AXDND1: variants seen among roughly 807,000 people sequenced by gnomAD.
The protein encoded by AXDND1 is axonemal dynein light chain domain containing 1, also known as axonemal dynein light chain domain-containing protein 1.
In AXDND1, 110 loss-of-function variants were observed where a neutral mutation model predicts 137.5. That is an observed-to-expected ratio of 0.80 (90% CI 0.69 to 0.94). The LOEUF is 0.94. Ranked by LOEUF, AXDND1 falls within the 40% of genes least tolerant of loss-of-function variation. The pLI, the probability that AXDND1 is intolerant of heterozygous loss-of-function variation, is 0.00. For synonymous variants in AXDND1, 414 were observed against 399.7 expected, an observed-to-expected ratio of 1.04 and a Z score of -0.43; for missense variants, 1,191 against 1,169.8, an observed-to-expected ratio of 1.02 and a Z score of -0.26.
At chr1:179,537,846 A>G (rs1572207732) in intron 25 of AXDND1, among the ~76,000 whole-genome samples, 1 of 152,142 alleles carries the variant, frequency 6.6e-6, no homozygotes, top group African/African-American at 2.4e-5. Context: ...TTGGTAGGCT[A>G]TTAATTATTG....
intron 25 of AXDND1, chr1:179,551,837 T>A (rs913515): frequency 1 from 246,545 of 246,570 alleles, 123,260 homozygotes; most frequent in Middle Eastern, 1. Context: ...ATTTCTGAAG[T>A]GAAAGTGCTG....
intron 17 of AXDND1, among the ~76,000 whole-genome samples, chr1:179,482,618 A>C (rs778457270): frequency 6.6e-6 from 1 of 152,106 alleles, no homozygotes; most frequent in African/African-American, 2.4e-5. Flanking sequence ...TGCCTTTCTT[A>C]CTGAATCTTC....
chr1:179,429,422 T>A, intron 12 of AXDND1, 96 bp from the exon 13 acceptor site: 1 of 565,362 alleles, frequency 1.8e-6, no homozygotes, highest in Non-Finnish European at 2.9e-6. Context: ...GTTGAGTTAA[T>A]GATTCCATGA....
At chr1:179,415,766 G>A (rs72717594) in intron 12 of AXDND1, among the ~76,000 whole-genome samples, 52,888 of 151,236 alleles carry the variant, frequency 0.35, 9,422 homozygotes, top group Middle Eastern at 0.45. Flanking sequence ...GTGCAGTGGC[G>A]CGATCTCTGC....
intron 12 of AXDND1, among the ~76,000 whole-genome samples, chr1:179,413,606 C>A (rs1180828771): frequency 6.6e-6 from 1 of 152,214 alleles, no homozygotes; most frequent in African/African-American, 2.4e-5. Flanking sequence ...GCATAATATT[C>A]CATGGTATAT....
chr1:179,523,584 C>G (rs964022158), intron 21 of AXDND1, among the ~76,000 whole-genome samples: 2 of 152,124 alleles, frequency 1.3e-5, no homozygotes, highest in African/African-American at 4.8e-5. Flanking sequence ...GTTTCTGGCT[C>G]TATGGATTTG....
chr1:179,527,089 G>C (rs1369248219), intron 22 of AXDND1, among the ~76,000 whole-genome samples: 1 of 152,214 alleles, frequency 6.6e-6, no homozygotes, highest in Non-Finnish European at 1.5e-5. Context: ...AAGAATAAAA[G>C]AACAGCTACT....
chr1:179,535,465 C>T (rs981963501), intron 25 of AXDND1, among the ~76,000 whole-genome samples: 3 of 152,088 alleles, frequency 2.0e-5, no homozygotes, highest in Non-Finnish European at 4.4e-5. Context: ...TGAGTGAGAA[C>T]ATGCGGTGTT....
chr1:179,461,438 G>A (rs930772820), intron 16 of AXDND1, among the ~76,000 whole-genome samples: 8 of 152,024 alleles, frequency 5.3e-5, no homozygotes, highest in African/African-American at 1.9e-4. Flanking sequence ...ATACCATGCT[G>A]TTTTGGTTAC....
intron 25 of AXDND1, chr1:179,552,716 A>G (rs1049369232): frequency 3.9e-6 from 6 of 1,558,366 alleles, no homozygotes; most frequent in African/African-American, 1.4e-5. Context: ...GTAGGTGTGC[A>G]GCCATGATTT....
At chr1:179,501,430 G>T (rs1227115862) in intron 20 of AXDND1, among the ~76,000 whole-genome samples, 1 of 152,130 alleles carries the variant, frequency 6.6e-6, no homozygotes, top group Non-Finnish European at 1.5e-5. Context: ...AATACTAGGG[G>T]GCTGGGTGCA....
At chr1:179,541,574 T>G (rs1672146658) in intron 25 of AXDND1, among the ~76,000 whole-genome samples, 1 of 151,696 alleles carries the variant, frequency 6.6e-6, no homozygotes, top group African/African-American at 2.4e-5. Flanking sequence ...GACAAACACA[T>G]ACAACCATTT....
chr1:179,475,575 GAGCATTT>G (rs1470534847), intron 17 of AXDND1, among the ~76,000 whole-genome samples: 2 of 152,226 alleles, frequency 1.3e-5, no homozygotes, highest in African/African-American at 4.8e-5. Flanking sequence ...TTTGAAATGA[GAGCATTT>G]ATCCAATGCC....
intron 6 of AXDND1, among the ~76,000 whole-genome samples, chr1:179,382,166 C>T (rs1648467944): frequency 6.6e-6 from 1 of 151,848 alleles, no homozygotes; most frequent in Non-Finnish European, 1.5e-5. Flanking sequence ...GCAACCCCCG[C>T]CTCCCAGGTT....
chr1:179,541,664 ATAAT>A (rs1357477408), intron 25 of AXDND1, among the ~76,000 whole-genome samples: 6 of 137,828 alleles, frequency 4.4e-5, no homozygotes, highest in Non-Finnish European at 5.1e-5. Flanking sequence ...TATATGCATG[ATAAT>A]ATGCATAATA....
chr1:179,539,477 G>C (rs935568999), intron 25 of AXDND1, among the ~76,000 whole-genome samples: 8 of 152,114 alleles, frequency 5.3e-5, no homozygotes, highest in Admixed American at 4.6e-4. Context: ...ATGAAATTCT[G>C]GGTTGAAAAT....
intron 16 of AXDND1, chr1:179,456,535 T>G: frequency 1.3e-6 from 1 of 776,942 alleles, no homozygotes; most frequent in Non-Finnish European, 2.4e-6. Flanking sequence ...TGTCCAACAC[T>G]TCCATAGCCT....
chr1:179,535,857 C>T (rs1003463394), intron 25 of AXDND1, among the ~76,000 whole-genome samples: 3 of 152,186 alleles, frequency 2.0e-5, no homozygotes, highest in Admixed American at 1.3e-4. Context: ...AAAAGTGTTC[C>T]TATTTCTCCA....
chr1:179,371,398 AGCCTGGGC>A (rs767128392), intron 4 of AXDND1, among the ~76,000 whole-genome samples: 2 of 152,184 alleles, frequency 1.3e-5, no homozygotes, highest in Admixed American at 6.5e-5. Flanking sequence ...ATTGCACTCC[AGCCTGGGC>A]GACCCAGCGA....
Sources: allele counts gnomAD v4.1 joint callset (sites outside exome capture counted in the v4.1 genomes callset), GRCh38; gene constraint gnomAD v4.1.1; transcripts MANE v1.5; gene names NCBI Gene and HGNC (gene_info 2026-07-23, HGNC 2026-07-21).